TJP1: variants seen among roughly 807,000 people sequenced by gnomAD.
The protein encoded by TJP1 is tight junction protein 1.
In TJP1, 43 loss-of-function variants were observed where a neutral mutation model predicts 194.2. The observed-to-expected ratio is 0.22, with a 90% confidence interval of 0.17 to 0.29. The LOEUF is 0.29. TJP1 is among the 10% of genes least tolerant of loss of function. TJP1 has a pLI of 1.00. For synonymous variants in TJP1, 801 were observed against 779.0 expected, an observed-to-expected ratio of 1.03 and a Z score of -0.47; for missense variants, 1,971 against 2,185.7, an observed-to-expected ratio of 0.90 and a Z score of 1.96.
At chr15:29,786,569 A>G (rs1329605010) in intron 2 of TJP1, among the ~76,000 whole-genome samples, 1 of 152,216 alleles carries the variant, frequency 6.6e-6, no homozygotes, top group Non-Finnish European at 1.5e-5. Context: ...GTGCAATCAC[A>G]GCTGACTGTA....
At chr15:29,872,157 A>T (rs1381810997) in intron 2 of TJP1, among the ~76,000 whole-genome samples, 1 of 152,198 alleles carries the variant, frequency 6.6e-6, no homozygotes, top group Non-Finnish European at 1.5e-5. Context: ...CCATTTCATT[A>T]CCAGTCCAAA....
chr15:29,859,826 A>T (rs1431137263), intron 2 of TJP1, among the ~76,000 whole-genome samples: 8 of 152,198 alleles, frequency 5.3e-5, no homozygotes, highest in African/African-American at 1.9e-4. Context: ...ACTGGAAGGC[A>T]CCATAGCATT....
chr15:29,857,347 G>GAA (rs532071870), intron 2 of TJP1, among the ~76,000 whole-genome samples: 28 of 144,332 alleles, frequency 1.9e-4, no homozygotes, highest in African/African-American at 6.8e-4. Context: ...TTCCTGTTTA[G>GAA]AAAAAAAAAA....
At chr15:29,703,512 A>G (rs548380808) in intron 27 of TJP1, among the ~76,000 whole-genome samples, 2 of 152,316 alleles carry the variant, frequency 1.3e-5, no homozygotes, top group Non-Finnish European at 2.9e-5. Context: ...AGTTATATAA[A>G]GGAACAAAGT....
intron 2 of TJP1, among the ~76,000 whole-genome samples, chr15:29,833,875 ATATATATT>A (rs1321236427): frequency 0.013 from 218 of 16,520 alleles, 2 homozygotes; most frequent in African/African-American, 0.038. Context: ...ATATATATAT[ATATATATT>A]TTTTTTTTTT....
chr15:29,862,652 T>C (rs1358357172), intron 2 of TJP1, among the ~76,000 whole-genome samples: 4 of 145,450 alleles, frequency 2.8e-5, no homozygotes, highest in African/African-American at 5.1e-5. Flanking sequence ...CTTTTCTTTT[T>C]TTTTTTTTTT....
intron 2 of TJP1, among the ~76,000 whole-genome samples, chr15:29,844,360 C>T (rs1436157870): frequency 6.6e-6 from 1 of 152,184 alleles, no homozygotes; most frequent in East Asian, 1.9e-4. Flanking sequence ...TGAGCCACTG[C>T]ACCCGGCCCA....
At position 29,811,782 on chromosome 15, in the gene TJP1, A is replaced by C. The variant is rs139634472; in HGVS notation, c.27+10220T>G. On this transcript the variant is annotated intron_variant, in intron 1 of 27. Transcript: ENST00000614355. ...ATTGATCTTTGTCCAGAAATAAATA[A>C]ATGAATCCTCCTTCTGAAACCACAA... is the stretch of plus-strand genomic sequence containing the variant. 8.6e-4 allele frequency among the ~76,000 whole-genome samples: 131 copies of C among 152,256 alleles called. 1 individual carries two copies. Among genetic ancestry groups the C allele is most frequent in the Non-Finnish European group, 1.7e-3 (115 of 68,008 alleles).
intron 2 of TJP1, among the ~76,000 whole-genome samples, chr15:29,923,426 C>T (rs372698448): frequency 2.4e-4 from 37 of 152,228 alleles, no homozygotes; most frequent in South Asian, 1.0e-3. Context: ...TTTCTCTAAC[C>T]GCAGACTCAC....
chr15:29,863,905 C>T (rs1427121287), intron 2 of TJP1, among the ~76,000 whole-genome samples: 1 of 152,084 alleles, frequency 6.6e-6, no homozygotes, highest in African/African-American at 2.4e-5. Flanking sequence ...TTTAAAATGT[C>T]TTGGGAGCTG....
intron 2 of TJP1, among the ~76,000 whole-genome samples, chr15:29,922,796 ATAAT>A (rs2054407059): frequency 6.6e-6 from 1 of 152,234 alleles, no homozygotes; most frequent in African/African-American, 2.4e-5. Context: ...TGTAATAATG[ATAAT>A]TAACAGTAAC....
At chr15:29,942,655 T>C (rs2055120358) in intron 2 of TJP1, among the ~76,000 whole-genome samples, 2 of 152,068 alleles carry the variant, frequency 1.3e-5, no homozygotes, top group Admixed American at 1.3e-4. Context: ...TTAATAACGG[T>C]GATAATTCTG....
chr15:29,783,598 A>G (rs1051175219), intron 2 of TJP1, among the ~76,000 whole-genome samples: 1 of 152,232 alleles, frequency 6.6e-6, no homozygotes, highest in Non-Finnish European at 1.5e-5. Flanking sequence ...GAAAGACTAG[A>G]TGAAGTAAAT....
At chr15:29,893,460 G>T (rs1412666732) in intron 2 of TJP1, among the ~76,000 whole-genome samples, 1 of 152,194 alleles carries the variant, frequency 6.6e-6, no homozygotes, top group Non-Finnish European at 1.5e-5. Flanking sequence ...AGCATCCCAT[G>T]CTTCAGAAAA....
intron 2 of TJP1, among the ~76,000 whole-genome samples, chr15:29,943,958 C>T (rs1002224989): frequency 2.0e-5 from 3 of 152,010 alleles, no homozygotes; most frequent in Admixed American, 6.6e-5. Flanking sequence ...AAACAAAACA[C>T]ACACACAAAA....
At chr15:29,714,089 C>A (rs2042402254) in intron 23 of TJP1, among the ~76,000 whole-genome samples, 2 of 152,118 alleles carry the variant, frequency 1.3e-5, no homozygotes, top group African/African-American at 2.4e-5. Flanking sequence ...AATTACTGAG[C>A]CCCTACTGCA....
At chr15:29,762,611 C>A (rs368896965) in intron 5 of TJP1, among the ~76,000 whole-genome samples, 173 bp from the exon 6 acceptor site, 1 of 152,118 alleles carries the variant, frequency 6.6e-6, no homozygotes, top group South Asian at 2.1e-4. Context: ...ATTAGCAAGT[C>A]TGCAATGTCT....
intron 1 of TJP1, among the ~76,000 whole-genome samples, chr15:29,813,275 A>G (rs576986521): frequency 6.6e-6 from 1 of 152,298 alleles, no homozygotes; most frequent in South Asian, 2.1e-4. Context: ...CAAGATAATC[A>G]TAGGAACACC....
intron 10 of TJP1, 130 bp downstream of exon 10, chr15:29,741,201 A>T (rs966121684): frequency 3.0e-6 from 2 of 662,072 alleles, no homozygotes; most frequent in Non-Finnish European, 5.1e-6. Context: ...TTAAATATAA[A>T]AATAATCATA....
Sources: allele counts gnomAD v4.1 joint callset (sites outside exome capture counted in the v4.1 genomes callset), GRCh38; gene constraint gnomAD v4.1.1; transcripts MANE v1.5; gene names NCBI Gene and HGNC (gene_info 2026-07-23, HGNC 2026-07-21).